The following RBFOX1 variants were observed in gnomAD, a reference collection of about 807,000 sequenced individuals.
RBFOX1 encodes RNA binding fox-1 homolog 1, also known as RNA binding protein fox-1 homolog 1.
Under a neutral mutation model 57.7 loss-of-function variants are expected in RBFOX1, and 8 were observed. That is an observed-to-expected ratio of 0.14 (90% confidence interval 0.08 to 0.25). RBFOX1 has a LOEUF of 0.25. RBFOX1 is among the 10% of genes least tolerant of loss of function. RBFOX1 has a pLI of 1.00. For missense variants in RBFOX1, 611 were observed against 548.5 expected, an observed-to-expected ratio of 1.11 and a Z score of -1.14; for synonymous variants, 326 against 222.4, an observed-to-expected ratio of 1.47 and a Z score of -4.15.
chr16:7,657,805 G>T (rs1015281548), intron 12 of RBFOX1, among the ~76,000 whole-genome samples: 1 of 152,122 alleles, frequency 6.6e-6, no homozygotes, highest in Non-Finnish European at 1.5e-5. Context: ...GGGATCATAG[G>T]TACAAGTGGA....
chr16:7,233,176 C>A (rs2093598250), intron 4 of RBFOX1, among the ~76,000 whole-genome samples: 1 of 151,902 alleles, frequency 6.6e-6, no homozygotes, highest in African/African-American at 2.4e-5. Context: ...ATATAAAGCC[C>A]TGGAAGTCTG....
At chr16:6,738,410 G>A (rs1175480864) in intron 3 of RBFOX1, among the ~76,000 whole-genome samples, 7 of 152,134 alleles carry the variant, frequency 4.6e-5, no homozygotes, top group African/African-American at 1.4e-4. Context: ...CATCAGAGTG[G>A]AGAGTAGGAG....
intron 1 of RBFOX1, among the ~76,000 whole-genome samples, chr16:6,023,796 A>G (rs1434701565): frequency 6.6e-6 from 1 of 152,196 alleles, no homozygotes; most frequent in Non-Finnish European, 1.5e-5. Flanking sequence ...GTCGTGCCGG[A>G]GACCTCAAAC....
At chr16:5,856,185 C>CTATATA (rs1222713846) in intron 3 of RBFOX1, among the ~76,000 whole-genome samples, 88 of 39,868 alleles carry the variant, frequency 2.2e-3, no homozygotes, top group Non-Finnish European at 3.2e-3. Context: ...CTCTCTCTCT[C>CTATATA]TCTATATATA....
chr16:6,789,349 A>G (rs1029521269), intron 3 of RBFOX1, among the ~76,000 whole-genome samples: 1 of 152,130 alleles, frequency 6.6e-6, no homozygotes, highest in African/African-American at 2.4e-5. Context: ...TTCCGCTTTG[A>G]GATGTATTCC....
chr16:7,444,025 T>C (rs1337360515), intron 4 of RBFOX1, among the ~76,000 whole-genome samples: 1 of 152,226 alleles, frequency 6.6e-6, no homozygotes, highest in African/African-American at 2.4e-5. Flanking sequence ...AGAATTGTTT[T>C]CTGTGGTTGC....
intron 3 of RBFOX1, among the ~76,000 whole-genome samples, chr16:6,972,248 C>T (rs571774048): frequency 1.3e-5 from 2 of 152,144 alleles, no homozygotes; most frequent in East Asian, 3.9e-4. Context: ...CTGTAACTCC[C>T]CTTTCTCCCT....
At chr16:6,848,071 A>T (rs747059016) in intron 3 of RBFOX1, among the ~76,000 whole-genome samples, 5 of 151,966 alleles carry the variant, frequency 3.3e-5, no homozygotes, top group African/African-American at 1.2e-4. Flanking sequence ...ACCTCAAGTG[A>T]TCCACCCACC....
At chr16:6,643,884 C>T (rs544305343) in intron 2 of RBFOX1, among the ~76,000 whole-genome samples, 12 of 152,068 alleles carry the variant, frequency 7.9e-5, no homozygotes, top group East Asian at 5.8e-4. Flanking sequence ...CCAGCACTTT[C>T]GGAGGCCAAG....
chr16:7,285,818 C>CT (rs2095640216), intron 4 of RBFOX1, among the ~76,000 whole-genome samples: 1 of 152,136 alleles, frequency 6.6e-6, no homozygotes, highest in Non-Finnish European at 1.5e-5. Context: ...GGATTTAGCT[C>CT]TTATAAATAA....
intron 4 of RBFOX1, among the ~76,000 whole-genome samples, chr16:7,192,464 G>C (rs1251623281): frequency 1.3e-5 from 2 of 152,182 alleles, no homozygotes; most frequent in Non-Finnish European, 2.9e-5. Flanking sequence ...ATAATACGTG[G>C]AATGTAGTAA....
chr16:7,140,265 G>A (rs1316720204), intron 4 of RBFOX1, among the ~76,000 whole-genome samples: 2 of 34,452 alleles, frequency 5.8e-5, no homozygotes, highest in African/African-American at 2.4e-4. Flanking sequence ...TTTTTAAATG[G>A]CTTTTTTTTT....
Position 6,239,329 on chromosome 16 carries a change from C to T in RBFOX1, c.-126-77666C>T, listed in dbSNP as rs781380114. On this transcript the variant is annotated intron_variant, in intron 1 of 15. Coordinates refer to ENST00000550418, the MANE Select transcript of RBFOX1 (RefSeq NM_018723.4). ...GGTTATTTCTGGGCCCCACCGTGTC[C>T]GAAGGGACCACAGTGTCCAAGGGAG... Among the ~76,000 whole-genome samples, 13 of 151,902 alleles carry T rather than the reference C, an allele frequency of 8.6e-5. No homozygotes were observed. In the South Asian group the frequency reaches 1.5e-3, roughly 17 times the overall value.
intron 2 of RBFOX1, among the ~76,000 whole-genome samples, chr16:6,365,073 G>T (rs919185476): frequency 2.1e-5 from 3 of 144,286 alleles, no homozygotes; most frequent in African/African-American, 5.4e-5. Flanking sequence ...AAACTGATGA[G>T]CCCAAAATGG....
At chr16:6,842,520 C>A (rs1307355849) in intron 3 of RBFOX1, among the ~76,000 whole-genome samples, 2 of 151,986 alleles carry the variant, frequency 1.3e-5, no homozygotes, top group African/African-American at 4.8e-5. Context: ...TTTATCCTGC[C>A]CTTTTCAGCT....
intron 3 of RBFOX1, among the ~76,000 whole-genome samples, chr16:5,752,773 T>TAC (rs1263690133): frequency 6.6e-6 from 1 of 152,188 alleles, no homozygotes; most frequent in Non-Finnish European, 1.5e-5. Flanking sequence ...TAGGACTTCA[T>TAC]ACTCACTCCT....
chr16:6,642,893 G>C (rs1404543266), intron 2 of RBFOX1, among the ~76,000 whole-genome samples: 1 of 152,100 alleles, frequency 6.6e-6, no homozygotes, highest in African/African-American at 2.4e-5. Context: ...TACTCCCTTG[G>C]TTGAAGTGAT....
chr16:7,083,171 G>A (rs1462552804), intron 4 of RBFOX1, among the ~76,000 whole-genome samples: 2 of 152,056 alleles, frequency 1.3e-5, no homozygotes, highest in South Asian at 4.1e-4. Context: ...ATAATTTGCT[G>A]ACACCCCCCG....
chr16:5,408,770 G>C (rs2066931007), intron 1 of RBFOX1, among the ~76,000 whole-genome samples: 1 of 152,222 alleles, frequency 6.6e-6, no homozygotes, highest in Non-Finnish European at 1.5e-5. Flanking sequence ...GCAGGAGCAG[G>C]CACTTCCCAT....
Sources: gnomAD v4.1 joint callset for allele counts (sites outside exome capture counted in the v4.1 genomes callset) on GRCh38, gnomAD v4.1.1 for gene constraint, MANE v1.5 for transcripts, NCBI Gene and HGNC (gene_info 2026-07-23, HGNC 2026-07-21) for gene names.